SPIRE1: variants seen among roughly 807,000 people sequenced by gnomAD.
SPIRE1 encodes protein spire homolog 1.
SPIRE1 carries 40 observed loss-of-function variants against 94.1 expected under a neutral mutation model. The observed-to-expected ratio is 0.43, with a 90% CI of 0.33 to 0.55. The LOEUF (loss-of-function observed/expected upper bound fraction) is 0.55. SPIRE1 is among the 20% of genes least tolerant of loss of function. The probability of loss-of-function intolerance (pLI) is 0.06; values close to 1 mark genes in which losing one functional copy is unlikely to be tolerated. For synonymous variants in SPIRE1, 376 were observed against 371.7 expected, an observed-to-expected ratio of 1.01 and a Z score of -0.13; for missense variants, 838 against 975.2, an observed-to-expected ratio of 0.86 and a Z score of 1.87.
chr18:12,648,338 A>G (rs759481486), intron 1 of SPIRE1, among the ~76,000 whole-genome samples: 1 of 152,160 alleles, frequency 6.6e-6, no homozygotes, highest in Non-Finnish European at 1.5e-5. Flanking sequence ...CAGTGATGTC[A>G]CATGGTTATC....
At chr18:12,622,577 C>G (rs1291386581) in intron 2 of SPIRE1, among the ~76,000 whole-genome samples, 3 of 151,880 alleles carry the variant, frequency 2.0e-5, no homozygotes, top group Non-Finnish European at 4.4e-5. Context: ...CACCCACCAC[C>G]ATGCCCGGCT....
intron 2 of SPIRE1, among the ~76,000 whole-genome samples, chr18:12,609,795 GC>G (rs1222215781): frequency 1.3e-5 from 2 of 152,148 alleles, no homozygotes; most frequent in Non-Finnish European, 2.9e-5. Context: ...AGAAGGCTAT[GC>G]CTCTTCTGTC....
chr18:12,504,959 G>A (rs147191065), intron 6 of SPIRE1, among the ~76,000 whole-genome samples: 1 of 152,238 alleles, frequency 6.6e-6, no homozygotes, highest in East Asian at 1.9e-4. Context: ...GATCAGGGTG[G>A]CTAACAAGCA....
intron 2 of SPIRE1, among the ~76,000 whole-genome samples, chr18:12,606,825 G>A (rs547055833): frequency 6.6e-5 from 10 of 152,144 alleles, no homozygotes; most frequent in Admixed American, 2.0e-4. Context: ...GCCATCGCAC[G>A]GGGCCAGATT....
intron 2 of SPIRE1, among the ~76,000 whole-genome samples, chr18:12,604,541 T>C (rs1007302829): frequency 6.6e-6 from 1 of 152,204 alleles, no homozygotes; most frequent in Non-Finnish European, 1.5e-5. Flanking sequence ...CCCACTGCCC[T>C]AATATATCCT....
upstream of SPIRE1, chr18:12,658,110 C>CGCCCCGCCCT: frequency 2.2e-6 from 2 of 925,820 alleles, no homozygotes; most frequent in Non-Finnish European, 2.5e-6. Flanking sequence ...TGGCGTCCGG[C>CGCCCCGCCCT]GCCCCGCCCC....
At position 12,449,464 on chromosome 18, in the gene SPIRE1, CA is replaced by C. The variant is rs2031112805; in HGVS notation, c.*173del. ...AATTGGCGGACCTGTCACGTTTCAT[CA>C]ATCGATACGAACACAGCATTCAGTC... is the stretch of plus-strand genomic sequence containing the variant. On this transcript the variant is annotated 3_prime_UTR_variant, in exon 17 of 17. Coordinates refer to ENST00000409402, the MANE Select transcript of SPIRE1 (RefSeq NM_001128626.2). 1.5e-6 allele frequency: 1 copy of C among 678,848 alleles called. No individual in the cohort carries two copies. The highest frequency in any genetic ancestry group is 1.8e-5 in the African/African-American group (1 of 55,444). The allele number at this position is 678,848 out of a possible 1,614,324, so 42.1% of individuals were successfully genotyped here.
rs1029106413 is a variant in SPIRE1, at chr18:12,506,466, TG to T, written c.972+10del. The T allele has an allele frequency of 1.9e-6, 3 of 1,613,698 alleles. No individual in the cohort carries two copies. Among genetic ancestry groups the T allele is most frequent in the Non-Finnish European group, 1.7e-6 (2 of 1,179,678 alleles). On this transcript the variant is annotated intron_variant, in intron 6 of 16. Transcript: ENST00000409402. Reference sequence around the variant, plus strand: ...GAGCCACATGCCCGGCCTGACAGCTTGGTTACTTACCATCACTTTTCGCAAG... The same window carrying T: ...GAGCCACATGCCCGGCCTGACAGCTTGTTACTTACCATCACTTTTCGCAAG...
chr18:12,505,484 C>T (rs945013197), intron 6 of SPIRE1, among the ~76,000 whole-genome samples: 4 of 149,950 alleles, frequency 2.7e-5, no homozygotes, highest in East Asian at 2.0e-4. Flanking sequence ...CCTGGGAAGT[C>T]GAGGCTACAG....
At chr18:12,549,252 G>C (rs2035265529) in intron 2 of SPIRE1, among the ~76,000 whole-genome samples, 1 of 151,932 alleles carries the variant, frequency 6.6e-6, no homozygotes, top group African/African-American at 2.4e-5. Context: ...TATAATGAAA[G>C]CCTCAGAAAT....
intron 10 of SPIRE1, among the ~76,000 whole-genome samples, chr18:12,469,393 G>A (rs2032249865): frequency 6.6e-6 from 1 of 150,640 alleles, no homozygotes; most frequent in Admixed American, 6.7e-5. Context: ...TTTTAGTTTT[G>A]CCATGTTGGC....
intron 2 of SPIRE1, among the ~76,000 whole-genome samples, chr18:12,605,525 T>C (rs1206139167): frequency 6.6e-6 from 1 of 151,932 alleles, no homozygotes; most frequent in Non-Finnish European, 1.5e-5. Context: ...AAAATTAAAA[T>C]AAAATAAAGA....
chr18:12,619,781 G>A (rs375086734), intron 2 of SPIRE1, among the ~76,000 whole-genome samples: 9 of 146,254 alleles, frequency 6.2e-5, no homozygotes, highest in African/African-American at 2.2e-4. Context: ...GGGAGGTGGA[G>A]ATTGTGGTGA....
intron 3 of SPIRE1, among the ~76,000 whole-genome samples, chr18:12,536,235 C>T (rs975342439): frequency 1.3e-5 from 2 of 152,130 alleles, no homozygotes; most frequent in Non-Finnish European, 2.9e-5. Context: ...ATGACGGATC[C>T]AGTTTTTTAA....
At chr18:12,503,923 A>G (rs577777760) in intron 6 of SPIRE1, among the ~76,000 whole-genome samples, 1 of 147,378 alleles carries the variant, frequency 6.8e-6, no homozygotes, top group Non-Finnish European at 1.5e-5. Flanking sequence ...GGACAAAACT[A>G]TTCTGTTATA....
chr18:12,632,858 G>C (rs971245023), intron 2 of SPIRE1, among the ~76,000 whole-genome samples: 1 of 152,068 alleles, frequency 6.6e-6, no homozygotes, highest in African/African-American at 2.4e-5. Flanking sequence ...AGATCATGTG[G>C]ATTTTATGAC....
intron 12 of SPIRE1, among the ~76,000 whole-genome samples, chr18:12,456,004 C>T (rs2031490502): frequency 6.6e-6 from 1 of 152,118 alleles, no homozygotes; most frequent in South Asian, 2.1e-4. Context: ...AATGCAAAAC[C>T]ATCTCTGTTC....
At position 12,628,381 on chromosome 18, in the gene SPIRE1, G is replaced by T. The variant is rs560390845; in HGVS notation, c.372+6681C>A. 1.9e-3 allele frequency among the ~76,000 whole-genome samples: 290 copies of T among 152,184 alleles called. 1 individual carries two copies. The highest frequency in any genetic ancestry group is 3.2e-3 in the Non-Finnish European group (220 of 68,006). ...TATAGATGTGTGGTGTTATTTCTGAGGCCTCTGTTCTGTTCCATTGGTCAA... is the reference window on the plus strand; with the variant it reads ...TATAGATGTGTGGTGTTATTTCTGATGCCTCTGTTCTGTTCCATTGGTCAA... On this transcript the variant is annotated intron_variant, in intron 2 of 16. Coordinates refer to ENST00000409402, the MANE Select transcript of SPIRE1 (RefSeq NM_001128626.2).
At chr18:12,661,385 C>CA (rs1414530977), upstream of SPIRE1, 2 of 982,524 alleles carry the variant, frequency 2.0e-6, no homozygotes, top group Admixed American at 1.2e-4. Context: ...GCTGACCACT[C>CA]AAAGGCTACC....
Sources: gnomAD v4.1 joint callset for allele counts (sites outside exome capture counted in the v4.1 genomes callset) on GRCh38, gnomAD v4.1.1 for gene constraint, MANE v1.5 for transcripts, NCBI Gene and HGNC (gene_info 2026-07-23, HGNC 2026-07-21) for gene names.